Variants in MTHFD1 observed in about 807,000 individuals in gnomAD.
MTHFD1 encodes C-1-tetrahydrofolate synthase, cytoplasmic.
In MTHFD1, 44 loss-of-function variants were observed where a neutral mutation model predicts 110.3. The observed-to-expected ratio is 0.40, with a 90% CI of 0.31 to 0.51. The LOEUF (loss-of-function observed/expected upper bound fraction) is 0.51, where lower values mean the gene tolerates loss of function less well. Ranked by LOEUF, MTHFD1 falls within the 20% of genes least tolerant of loss-of-function variation. The pLI is 0.60. For missense variants in MTHFD1, 909 were observed against 1,173.1 expected (o/e 0.77, Z 3.29); for synonymous variants, 402 against 428.8 (o/e 0.94, Z 0.77).
intron 1 of MTHFD1, among the ~76,000 whole-genome samples, chr14:64,395,083 C>G (rs2077836247): frequency 6.6e-6 from 1 of 152,226 alleles, no homozygotes; most frequent in Non-Finnish European, 1.5e-5. Context: ...GGCATCAACT[C>G]TCCTTTGTTG....
At chr14:64,432,908 C>T (rs1321716966) in intron 15 of MTHFD1, among the ~76,000 whole-genome samples, 1 of 152,032 alleles carries the variant, frequency 6.6e-6, no homozygotes, top group Non-Finnish European at 1.5e-5. Context: ...GTACACACAC[C>T]ACCACACCTG....
intron 2 of MTHFD1, among the ~76,000 whole-genome samples, chr14:64,407,041 A>G (rs993522124): frequency 6.6e-6 from 1 of 152,168 alleles, no homozygotes; most frequent in Non-Finnish European, 1.5e-5. Context: ...CAATGCATTC[A>G]AGAACATTCA....
chr14:64,393,349 G>GTGAGCCTA (rs1201211790), intron 1 of MTHFD1, among the ~76,000 whole-genome samples: 2 of 151,980 alleles, frequency 1.3e-5, no homozygotes, highest in African/African-American at 4.8e-5. Context: ...CAGTGAGCCA[G>GTGAGCCTA]TGAGCCAAGA....
At chr14:64,410,407 T>TGGG (rs34498014) in intron 2 of MTHFD1, among the ~76,000 whole-genome samples, 3 of 148,742 alleles carry the variant, frequency 2.0e-5, no homozygotes, top group Non-Finnish European at 3.0e-5. Flanking sequence ...TTTGTAAAGA[T>TGGG]GGGGGGGGGG....
chr14:64,405,328 A>G (rs2077928369), intron 2 of MTHFD1, among the ~76,000 whole-genome samples: 1 of 152,192 alleles, frequency 6.6e-6, no homozygotes, highest in Admixed American at 6.5e-5. Context: ...TTTATTGATT[A>G]CAAATGTTTT....
At chr14:64,439,459 G>C (rs1440791617) in intron 17 of MTHFD1, 1 of 472,152 alleles carries the variant, frequency 2.1e-6, no homozygotes, top group African/African-American at 2.0e-5. Flanking sequence ...TCTTTTTTGT[G>C]GCCATTTCAC....
chr14:64,393,324 G>T (rs1288252602), intron 1 of MTHFD1, among the ~76,000 whole-genome samples: 1 of 152,122 alleles, frequency 6.6e-6, no homozygotes, highest in East Asian at 1.9e-4. Context: ...GCTTGAACCT[G>T]GGAGGAGGAG....
chr14:64,396,389 G>GTTT (rs10719061), intron 1 of MTHFD1, among the ~76,000 whole-genome samples: 1 of 74,842 alleles, frequency 1.3e-5, no homozygotes, highest in Non-Finnish European at 2.6e-5. Context: ...TTTTTTGAAG[G>GTTT]TTTTTTTTTT....
chr14:64,430,889 C>A (rs1215135974), intron 13 of MTHFD1, among the ~76,000 whole-genome samples: 1 of 152,078 alleles, frequency 6.6e-6, no homozygotes, highest in Non-Finnish European at 1.5e-5. Flanking sequence ...GTGCTGCTCC[C>A]GTGCACTCCT....
At chr14:64,399,448 C>T in intron 1 of MTHFD1, among the ~76,000 whole-genome samples, 1 of 152,022 alleles carries the variant, frequency 6.6e-6, no homozygotes. Flanking sequence ...ATCACGAAGT[C>T]AGGAGTTCGA....
At chr14:64,419,647 A>C (rs368417451) in intron 7 of MTHFD1, among the ~76,000 whole-genome samples, 167 bp from the exon 8 acceptor site, 6 of 152,218 alleles carry the variant, frequency 3.9e-5, no homozygotes, top group African/African-American at 1.4e-4. Flanking sequence ...GGGCTGTCAG[A>C]AACAGTGTGT....
In MTHFD1 at chr14:64,449,249, G is replaced by T; in HGVS notation, c.2280-196G>T. ...CGCGTATTACCAGGGTGGAAATTGA[G>T]GCACATAAAGATTAGGTAACTGGCC... On this transcript the variant is annotated intron_variant, in intron 23 of 27. Coordinates refer to ENST00000652337, the MANE Select transcript of MTHFD1 (RefSeq NM_005956.4). The T allele has an allele frequency of 1.4e-5, 9 of 646,330 alleles. No homozygotes were observed. In the South Asian group the frequency reaches 1.6e-4, roughly 11 times the overall value. The allele number at this position is 646,330 out of a possible 1,614,324, so 40.0% of individuals were successfully genotyped here.
chr14:64,436,392 C>T (rs2078206411), intron 16 of MTHFD1, among the ~76,000 whole-genome samples: 1 of 152,204 alleles, frequency 6.6e-6, no homozygotes, highest in Non-Finnish European at 1.5e-5. Flanking sequence ...CCGCACCCGG[C>T]CTACCTAATC....
At chr14:64,405,616 G>T (rs2077930292) in intron 2 of MTHFD1, among the ~76,000 whole-genome samples, 1 of 152,170 alleles carries the variant, frequency 6.6e-6, no homozygotes, top group Non-Finnish European at 1.5e-5. Flanking sequence ...AGGGGCTATT[G>T]TCCTATTGAT....
chr14:64,443,405 A>C, intron 21 of MTHFD1, among the ~76,000 whole-genome samples: 1 of 152,238 alleles, frequency 6.6e-6, no homozygotes, highest in East Asian at 1.9e-4. Flanking sequence ...GGTCTGGCTT[A>C]ATTGAAGACA....
intron 24 of MTHFD1, among the ~76,000 whole-genome samples, chr14:64,451,857 T>C (rs777402631): frequency 6.6e-6 from 1 of 152,248 alleles, no homozygotes; most frequent in African/African-American, 2.4e-5. Context: ...GAGATGCATA[T>C]GAAAATAATC....
In MTHFD1 at chr14:64,388,357, T is replaced by C. The variant is rs749953174; in HGVS notation, c.-71T>C. ...CCTAAGCACGTGGGTTGGGTTGTCCTGCTTGGCTGCGGAGGGAGTGGAACC... is the reference window on the plus strand; with the variant it reads ...CCTAAGCACGTGGGTTGGGTTGTCCCGCTTGGCTGCGGAGGGAGTGGAACC... On this transcript the variant is annotated 5_prime_UTR_variant, in exon 1 of 28. Coordinates refer to ENST00000652337, the MANE Select transcript of MTHFD1 (RefSeq NM_005956.4). 1.9e-6 allele frequency: 3 copies of C among 1,614,180 alleles called. No homozygotes were observed. The highest frequency in any genetic ancestry group is 1.3e-5 in the African/African-American group (1 of 75,060).
intron 2 of MTHFD1, among the ~76,000 whole-genome samples, chr14:64,406,011 G>GTA (rs771415925): frequency 2.0e-5 from 3 of 147,320 alleles, no homozygotes; most frequent in Non-Finnish European, 3.0e-5. Flanking sequence ...GTGTGTGTGT[G>GTA]TATATATATA....
intron 8 of MTHFD1, among the ~76,000 whole-genome samples, chr14:64,423,893 A>T (rs991775099): frequency 6.6e-6 from 1 of 150,772 alleles, no homozygotes; most frequent in African/African-American, 2.4e-5. Context: ...TGCCCAGCTA[A>T]TTTTTTTGTA....
Sources: allele counts gnomAD v4.1 joint callset (sites outside exome capture counted in the v4.1 genomes callset), GRCh38; gene constraint gnomAD v4.1.1; transcripts MANE v1.5; gene names NCBI Gene and HGNC (gene_info 2026-07-23, HGNC 2026-07-21).